The following RSPH4A variants were observed in gnomAD, a reference collection of about 807,000 sequenced individuals.
RSPH4A encodes the protein radial spoke head component 4A.
In RSPH4A, 47 loss-of-function variants were observed where a neutral mutation model predicts 71.0. The observed-to-expected ratio is 0.66, with a 90% CI of 0.52 to 0.84. RSPH4A has a LOEUF of 0.84. Among genes scored for constraint, RSPH4A ranks in the 40% least tolerant of loss-of-function variants. The pLI, the probability that RSPH4A is intolerant of heterozygous loss-of-function variation, is 0.00. For missense variants in RSPH4A, 793 were observed against 855.2 expected (o/e 0.93, Z 0.91); for synonymous variants, 282 against 302.3 (o/e 0.93, Z 0.70).
At chr6:116,630,719 C>A (rs1775788889) in intron 5 of RSPH4A, among the ~76,000 whole-genome samples, 167 bp downstream of exon 5, 1 of 117,378 alleles carries the variant, frequency 8.5e-6, no homozygotes, top group Non-Finnish European at 1.6e-5. Context: ...GTCACCCAGG[C>A]TGGAGTGCAG....
chr6:116,619,012 A>T (rs139146607), intron 1 of RSPH4A, among the ~76,000 whole-genome samples: 4 of 152,362 alleles, frequency 2.6e-5, no homozygotes, highest in African/African-American at 9.6e-5. Flanking sequence ...CTGGTTTATT[A>T]TAAAGGATAT....
chr6:116,628,205 C>G lies in RSPH4A; in HGVS notation c.1498C>G (p.Leu500Val), dbSNP rs779913947. The change falls in exon 3 of 6, where the codon CTA becomes GTA. Residue 500 changes from leucine to valine, a missense_variant. Coordinates refer to ENST00000229554, the MANE Select transcript of RSPH4A (RefSeq NM_001010892.3). ...TTCAGCAGGAACCCACGTCAGTCCT[C>G]TAGGATTTTATCAGTTTGGTGAAGA... is the stretch of plus-strand genomic sequence containing the variant. ...RISAGTHVSP[L>V]GFYQFGEEEG... 2 of 1,614,020 alleles carry G rather than the reference C, an allele frequency of 1.2e-6. No homozygotes were observed. The highest frequency in any genetic ancestry group is 4.5e-5 in the East Asian group (2 of 44,886).
intron 1 of RSPH4A, among the ~76,000 whole-genome samples, chr6:116,619,103 A>T (rs1292058496): frequency 6.6e-6 from 1 of 152,004 alleles, no homozygotes; most frequent in Non-Finnish European, 1.5e-5. Context: ...CCCTCCAGCA[A>T]CCTCCATGTG....
rs1341683294 is a variant in RSPH4A, at chr6:116,616,920, G to T, written c.297G>T (p.Pro99=). ...EPSSSPSPLA[P]ARQDLAAPPQ... ...CTTCCTCTCCTTCTCCCCTGGCTCC[G>T]GCCAGACAAGACCTCGCGGCACCAC... The change falls in exon 1 of 6, where the codon CCG becomes CCT. Residue 99 remains proline, a synonymous_variant. Transcript: ENST00000229554. 6.2e-7 allele frequency: 1 copy of T among 1,614,156 alleles called. No homozygotes were observed. Among genetic ancestry groups the T allele is most frequent in the Non-Finnish European group, 8.5e-7 (1 of 1,180,030 alleles).
At chr6:116,623,861 A>G (rs1202718373) in intron 2 of RSPH4A, among the ~76,000 whole-genome samples, 1 of 152,196 alleles carries the variant, frequency 6.6e-6, no homozygotes, top group Non-Finnish European at 1.5e-5. Flanking sequence ...ATCTTCATAG[A>G]CAAAATTTTG....
intron 1 of RSPH4A, among the ~76,000 whole-genome samples, chr6:116,619,788 G>C (rs978473491): frequency 4.1e-4 from 63 of 151,902 alleles, no homozygotes; most frequent in African/African-American, 1.3e-3. Flanking sequence ...GCACGATCTC[G>C]GCTCACTACA....
rs372639359 is a variant in RSPH4A, at chr6:116,623,013, A to T, written c.921+11A>T. The T allele has an allele frequency of 1.0e-5, 15 of 1,479,806 alleles. No individual in the cohort carries two copies. In the African/African-American group the frequency reaches 2.1e-4, roughly 20 times the overall value. The allele number at this position is 1,479,806 out of a possible 1,614,324, so 91.7% of individuals were successfully genotyped here. A position where few individuals can be genotyped will look rare whatever the true frequency, so the allele number is the denominator to read the frequency against. The stretch of plus-strand genomic sequence containing the variant: ...TTGGAAGATGAAATAGTAAGTCACT[A>T]CTACAAATTTTAATAATAAACCTTA... On this transcript the variant is annotated intron_variant, in intron 2 of 5. Transcript: ENST00000229554.
At chr6:116,621,726 T>G (rs1048697815) in intron 1 of RSPH4A, among the ~76,000 whole-genome samples, 3 of 152,184 alleles carry the variant, frequency 2.0e-5, no homozygotes, top group Admixed American at 2.0e-4. Flanking sequence ...AGGTAGAACT[T>G]AGCAAATGTA....
chr6:116,622,419 A>G (rs959314829), intron 1 of RSPH4A, among the ~76,000 whole-genome samples: 2 of 152,242 alleles, frequency 1.3e-5, no homozygotes, highest in Non-Finnish European at 2.9e-5. Context: ...ATCGTGCTCT[A>G]AAATGTTTTT....
At chr6:116,627,347 G>A (rs889230980) in intron 2 of RSPH4A, among the ~76,000 whole-genome samples, 1 of 152,002 alleles carries the variant, frequency 6.6e-6, no homozygotes, top group Non-Finnish European at 1.5e-5. Context: ...CTACAGGCAC[G>A]CACCACCATG....
Position 116,616,715 on chromosome 6 carries a change from C to T in RSPH4A, c.92C>T (p.Ser31Phe), listed in dbSNP as rs150537417. 1.0e-4 allele frequency: 166 copies of T among 1,614,174 alleles called. No individual in the cohort carries two copies. Among genetic ancestry groups the T allele is most frequent in the Middle Eastern group, 1.6e-4 (1 of 6,062 alleles). ...RRPWEGKTAASPQYSEPESSE... is the reference protein window; with the variant it reads ...RRPWEGKTAAFPQYSEPESSE... ...CCATGGGAAGGAAAGACAGCAGCTT[C>T]TCCCCAATATTCTGAGCCTGAGTCG... Residue 31 changes from serine to phenylalanine, a missense_variant, in exon 1 of 6, where the codon TCT (serine) becomes TTT (phenylalanine). Physicochemically the swap from Ser to Phe is radical, Grantham distance 155. Transcript: ENST00000229554.
At chr6:116,630,847 A>ATTTTTTTT (rs10694358) in intron 5 of RSPH4A, among the ~76,000 whole-genome samples, 96 of 87,438 alleles carry the variant, frequency 1.1e-3, no homozygotes, top group Middle Eastern at 7.7e-3. Flanking sequence ...TAATTTTTGT[A>ATTTTTTTT]TTTTTTTTTT....
At chr6:116,630,735 T>A (rs533857840) in intron 5 of RSPH4A, among the ~76,000 whole-genome samples, 183 bp downstream of exon 5, 1 of 129,758 alleles carries the variant, frequency 7.7e-6, no homozygotes, top group East Asian at 2.6e-4. Context: ...TGCAGTGGCA[T>A]GATCTCGGCT....
chr6:116,619,220 C>T (rs1043885821), intron 1 of RSPH4A, among the ~76,000 whole-genome samples: 1 of 151,854 alleles, frequency 6.6e-6, no homozygotes, highest in Non-Finnish European at 1.5e-5. Flanking sequence ...TAATCTAATG[C>T]TAATAGACTG....
chr6:116,621,141 C>A (rs1244268339), intron 1 of RSPH4A, among the ~76,000 whole-genome samples: 1 of 152,108 alleles, frequency 6.6e-6, no homozygotes, highest in Non-Finnish European at 1.5e-5. Context: ...TTACAGGCAG[C>A]CACTGCTCCC....
At chr6:116,631,897 CT>C (rs563893093) in intron 5 of RSPH4A, among the ~76,000 whole-genome samples, 13 of 149,730 alleles carry the variant, frequency 8.7e-5, no homozygotes, top group Non-Finnish European at 1.3e-4. Flanking sequence ...AAGGTAGTAA[CT>C]TTTTTTTTTC....
In RSPH4A at chr6:116,616,784, A is replaced by G; in HGVS notation, c.161A>G (p.Gln54Arg). The G allele has an allele frequency of 6.2e-7, 1 of 1,614,202 alleles. No homozygotes were observed. The highest frequency in any genetic ancestry group is 8.5e-7 in the Non-Finnish European group (1 of 1,180,030). Residue 54 changes from glutamine (Q) to arginine (R), a missense_variant, in exon 1 of 6, where the codon CAG (glutamine) becomes CGG (arginine). Coordinates refer to ENST00000229554, the MANE Select transcript of RSPH4A (RefSeq NM_001010892.3). ...AAGCAGGGGCCAGAAACTGGACGCCAGTCCCGAAGCAGCCGTCCTTGGAGC... is the reference window on the plus strand; with the variant it reads ...AAGCAGGGGCCAGAAACTGGACGCCGGTCCCGAAGCAGCCGTCCTTGGAGC... Reference protein sequence around the residue: ...EAKQGPETGRQSRSSRPWSPQ... With the variant: ...EAKQGPETGRRSRSSRPWSPQ...
At chr6:116,626,585 C>T (rs1178931872) in intron 2 of RSPH4A, among the ~76,000 whole-genome samples, 1 of 152,282 alleles carries the variant, frequency 6.6e-6, no homozygotes, top group East Asian at 1.9e-4. Context: ...TTGTGATCCA[C>T]CTGGCTCGGC....
chr6:116,629,150 A>G (rs1344213152), intron 3 of RSPH4A, among the ~76,000 whole-genome samples: 2 of 152,154 alleles, frequency 1.3e-5, no homozygotes, highest in African/African-American at 2.4e-5. Context: ...ATAAGAGCTA[A>G]CTGAGACATT....
Sources: allele counts gnomAD v4.1 joint callset (sites outside exome capture counted in the v4.1 genomes callset), GRCh38; gene constraint gnomAD v4.1.1; transcripts MANE v1.5; gene names NCBI Gene and HGNC (gene_info 2026-07-23, HGNC 2026-07-21).